Variants in WASF3 observed in about 807,000 individuals in gnomAD.
The protein encoded by WASF3 is WASP family member 3, also known as actin-binding protein WASF3.
Under a neutral mutation model 46.6 loss-of-function variants are expected in WASF3, and 11 were observed. That is an observed-to-expected ratio of 0.24 (90% CI 0.15 to 0.39). The LOEUF (loss-of-function observed/expected upper bound fraction) is 0.39. WASF3 is among the 10% of genes least tolerant of loss of function. The pLI, the probability that WASF3 is intolerant of heterozygous loss-of-function variation, is 1.00. For missense variants in WASF3, 576 were observed against 669.8 expected (o/e 0.86, Z 1.55); for synonymous variants, 242 against 259.7 (o/e 0.93, Z 0.65).
Position 26,688,851 on chromosome 13 carries a change from C to T in WASF3, c.*3006C>T, listed in dbSNP as rs557392882. ...AGTGGTATTAAAAAAAACTGTTAAA[C>T]AATTTTTATCTGTTTGTATATCTTA... On this transcript the variant is annotated 3_prime_UTR_variant, in exon 10 of 10. Coordinates refer to ENST00000335327, the MANE Select transcript of WASF3 (RefSeq NM_006646.6). 1.1e-4 allele frequency: 17 copies of T among 152,164 alleles called. No homozygotes were observed. The East Asian group carries it at 1.4e-3, about 12-fold the overall frequency. 9.4% of individuals were successfully genotyped at this position (152,164 alleles called of 1,614,324 possible).
intron 3 of WASF3, among the ~76,000 whole-genome samples, chr13:26,645,409 G>T (rs1019852562): frequency 6.6e-6 from 1 of 152,098 alleles, no homozygotes; most frequent in Non-Finnish European, 1.5e-5. Flanking sequence ...CTACTCTGTG[G>T]TCTTCTGTCA....
intron 1 of WASF3, chr13:26,577,722 GA>G (rs565519419): frequency 0.022 from 11,369 of 518,506 alleles, 3 homozygotes; most frequent in South Asian, 0.032. Context: ...CCTATTTGTG[GA>G]AAAAAAAAAA....
At chr13:26,556,403 CT>C (rs1342688645), upstream of WASF3, among the ~76,000 whole-genome samples, 1 of 152,200 alleles carries the variant, frequency 6.6e-6, no homozygotes, top group Non-Finnish European at 1.5e-5. Context: ...GCCAATTTAG[CT>C]TTCAATTCAG....
chr13:26,596,341 T>A (rs60131960), intron 1 of WASF3, among the ~76,000 whole-genome samples: 9 of 152,134 alleles, frequency 5.9e-5, no homozygotes, highest in Admixed American at 2.0e-4. Context: ...TACTTTTTTT[T>A]TTAAAAAAAG....
At chr13:26,616,343 C>G (rs931494450) in intron 2 of WASF3, among the ~76,000 whole-genome samples, 2 of 152,066 alleles carry the variant, frequency 1.3e-5, no homozygotes, top group Non-Finnish European at 2.9e-5. Flanking sequence ...TTTAATTTGC[C>G]TCTCCTTAAT....
At chr13:26,629,309 A>G (rs1647894240) in intron 2 of WASF3, among the ~76,000 whole-genome samples, 1 of 152,168 alleles carries the variant, frequency 6.6e-6, no homozygotes. Flanking sequence ...CATGGCCTTT[A>G]TCCAGATCTC....
intron 1 of WASF3, among the ~76,000 whole-genome samples, chr13:26,566,955 A>C (rs1447611619): frequency 6.6e-6 from 1 of 152,102 alleles, no homozygotes; most frequent in Non-Finnish European, 1.5e-5. Flanking sequence ...AGAAGATACC[A>C]GTTTCTTTTC....
intron 2 of WASF3, among the ~76,000 whole-genome samples, chr13:26,636,197 C>T (rs1272397137): frequency 1.3e-5 from 2 of 152,280 alleles, no homozygotes; most frequent in African/African-American, 4.8e-5. Flanking sequence ...GCTTTGTTTA[C>T]CTACTCAAGC....
chr13:26,666,627 C>T (rs983953098), intron 4 of WASF3, among the ~76,000 whole-genome samples: 3 of 152,064 alleles, frequency 2.0e-5, no homozygotes, highest in East Asian at 1.9e-4. Flanking sequence ...TGGCTGGGCG[C>T]GGTGGCTCAC....
At chr13:26,657,414 A>G (rs992137712) in intron 3 of WASF3, among the ~76,000 whole-genome samples, 2 of 152,238 alleles carry the variant, frequency 1.3e-5, no homozygotes, top group Non-Finnish European at 2.9e-5. Context: ...AACACATTTG[A>G]TGTACCTGCT....
intron 1 of WASF3, among the ~76,000 whole-genome samples, chr13:26,571,397 A>G (rs1879628698): frequency 6.6e-6 from 1 of 152,166 alleles, no homozygotes; most frequent in Non-Finnish European, 1.5e-5. Context: ...GATTTATGAT[A>G]CGCTACAAAT....
chr13:26,626,953 A>T (rs1401104633), intron 2 of WASF3, among the ~76,000 whole-genome samples: 1 of 152,186 alleles, frequency 6.6e-6, no homozygotes, highest in Non-Finnish European at 1.5e-5. Flanking sequence ...GGACAGTAGG[A>T]AGTAAAATTC....
chr13:26,558,324 TGTGCCCTCTTG>T (rs1879169155), intron 1 of WASF3, among the ~76,000 whole-genome samples: 1 of 152,172 alleles, frequency 6.6e-6, no homozygotes, highest in African/African-American at 2.4e-5. Flanking sequence ...CGCCCTGGCC[TGTGCCCTCTTG>T]GTGCCCGCGT....
At chr13:26,644,723 G>A (rs757715190) in intron 3 of WASF3, among the ~76,000 whole-genome samples, 1 of 152,096 alleles carries the variant, frequency 6.6e-6, no homozygotes, top group Non-Finnish European at 1.5e-5. Context: ...TCATCTGGGG[G>A]TGAAAAAGCC....
At chr13:26,554,521 G>A (rs936310737), upstream of WASF3, among the ~76,000 whole-genome samples, 4 of 152,198 alleles carry the variant, frequency 2.6e-5, no homozygotes, top group East Asian at 7.7e-4. Flanking sequence ...CTGCAATAAA[G>A]GTCCATAAAT....
intron 2 of WASF3, chr13:26,641,129 C>A (rs192823303): frequency 1.3e-5 from 2 of 152,296 alleles, no homozygotes; most frequent in East Asian, 1.9e-4. Context: ...AGTTCAAATT[C>A]TTTAATTTAC....
In WASF3 at chr13:26,570,910, T is replaced by C. The variant is rs148530526; in HGVS notation, c.-109+13091T>C. On this transcript the variant is annotated intron_variant, in intron 1 of 9. Transcript: ENST00000335327. ...TCATAGAGATTGTACCATTTTGCAT[T>C]ACTCTGAGCAGTGTGTGAGTGCCCG... Among the ~76,000 whole-genome samples the C allele has an allele frequency of 3.3e-5, 5 of 152,370 alleles. No individual in the cohort carries two copies. In the East Asian group the frequency reaches 7.7e-4, roughly 23 times the overall value.
chr13:26,564,244 T>C (rs1310491004), intron 1 of WASF3, among the ~76,000 whole-genome samples: 1 of 152,200 alleles, frequency 6.6e-6, no homozygotes, highest in African/African-American at 2.4e-5. Flanking sequence ...CACAAACTCC[T>C]TGTTGGCAGG....
intron 3 of WASF3, among the ~76,000 whole-genome samples, chr13:26,647,117 A>T (rs940421748): frequency 6.6e-6 from 1 of 152,222 alleles, no homozygotes; most frequent in African/African-American, 2.4e-5. Flanking sequence ...TTTTTAGGGA[A>T]TTGAAATCTT....
Sources: gnomAD v4.1 joint callset for allele counts (sites outside exome capture counted in the v4.1 genomes callset) on GRCh38, gnomAD v4.1.1 for gene constraint, MANE v1.5 for transcripts, NCBI Gene and HGNC (gene_info 2026-07-23, HGNC 2026-07-21) for gene names.